The following MCU variants were observed in gnomAD, a reference collection of about 807,000 sequenced individuals.
MCU encodes mitochondrial calcium uniporter.
Under a neutral mutation model 45.2 loss-of-function variants are expected in MCU, and 12 were observed. The observed-to-expected ratio is 0.27, with a 90% CI of 0.17 to 0.43. The LOEUF (loss-of-function observed/expected upper bound fraction) is 0.43, where lower values mean the gene tolerates loss of function less well. Among genes scored for constraint, MCU ranks in the 20% least tolerant of loss-of-function variants. The pLI, the probability that MCU is intolerant of heterozygous loss-of-function variation, is 1.00. For synonymous variants in MCU, 160 were observed against 165.1 expected (o/e 0.97, Z 0.24); for missense variants, 324 against 436.7 (o/e 0.74, Z 2.30).
At chr10:72,750,466 T>C (rs2132708751) in intron 1 of MCU, among the ~76,000 whole-genome samples, 1 of 152,362 alleles carries the variant, frequency 6.6e-6, no homozygotes, top group South Asian at 2.1e-4. Context: ...AAGAGCGTTG[T>C]TCAGTACGCT....
chr10:72,698,270 A>G (rs933106394), intron 1 of MCU, among the ~76,000 whole-genome samples: 1 of 152,220 alleles, frequency 6.6e-6, no homozygotes, highest in African/African-American at 2.4e-5. Context: ...AAGGCAATAC[A>G]TTGGTAGGAA....
Position 72,785,968 on chromosome 10 carries a change from G to C in MCU, c.151-48391G>C, listed in dbSNP as rs1318624709. Among the ~76,000 whole-genome samples, 4 of 152,262 alleles carry C rather than the reference G, an allele frequency of 2.6e-5. No individual in the cohort carries two copies. In the South Asian group the frequency reaches 8.3e-4, roughly 32 times the overall value. On this transcript the variant is annotated intron_variant, in intron 1 of 7. Transcript: ENST00000373053. ...AAGAATAACATATCCTTGCCTACAA[G>C]GTGTTGCTTACCAATTTGAGGAGAT... is the stretch of plus-strand genomic sequence containing the variant.
At chr10:72,829,606 T>A (rs1844849954) in intron 1 of MCU, among the ~76,000 whole-genome samples, 1 of 112,394 alleles carries the variant, frequency 8.9e-6, no homozygotes, top group Non-Finnish European at 2.4e-5. Flanking sequence ...CCAAGGAAAG[T>A]AAAGGGTAAA....
Position 72,765,862 on chromosome 10 carries a change from ATTTTCT to A in MCU, c.151-68486_151-68481del, listed in dbSNP as rs546481066. Reference sequence around the variant, plus strand: ...TCAGATGACTATTTTCTTTTATTTTATTTTCTTTTTCTTTTTTTTGAGTCAGAATCT... The same window carrying A: ...TCAGATGACTATTTTCTTTTATTTTATTTTCTTTTTTTTGAGTCAGAATCT... On this transcript the variant is annotated intron_variant, in intron 1 of 7. Coordinates refer to ENST00000373053, the MANE Select transcript of MCU (RefSeq NM_138357.3). 1.2e-3 allele frequency among the ~76,000 whole-genome samples: 173 copies of A among 147,904 alleles called. 1 individual carries two copies. The highest frequency in any genetic ancestry group is 4.1e-3 in the African/African-American group (165 of 40,542).
intron 1 of MCU, among the ~76,000 whole-genome samples, chr10:72,696,187 T>G (rs1271912332): frequency 3.5e-5 from 5 of 141,178 alleles, no homozygotes; most frequent in Non-Finnish European, 4.7e-5. Flanking sequence ...AAAAAAAAAT[T>G]TTTTTTTTTT....
chr10:72,850,612 G>T (rs200013657), intron 2 of MCU, among the ~76,000 whole-genome samples: 8 of 152,070 alleles, frequency 5.3e-5, no homozygotes, highest in East Asian at 3.9e-4. Flanking sequence ...TGCCTCAAAG[G>T]CATTTTTAAA....
chr10:72,714,243 G>A (rs564071066), intron 1 of MCU, among the ~76,000 whole-genome samples: 1 of 151,378 alleles, frequency 6.6e-6, no homozygotes, highest in South Asian at 2.1e-4. Context: ...GGGATTACAG[G>A]CATGAGCTAC....
rs202242355 is a variant in MCU, at chr10:72,868,770, C to T, written c.564C>T (p.Thr188=). 372 of 1,614,070 alleles carry T rather than the reference C, an allele frequency of 2.3e-4. 2 individuals carry two copies. In the East Asian group the frequency reaches 7.8e-3, roughly 34 times the overall value. Residue 188 remains threonine (T), a synonymous_variant, in exon 5 of 8, where the codon ACC becomes ACT. Coordinates refer to ENST00000373053, the MANE Select transcript of MCU (RefSeq NM_138357.3). The part of the protein sequence containing the change: ...DVKTLVQQLY[T]TLCIEQHQLN... ...AGACATTGGTCCAGCAACTATACAC[C>T]ACACTGTGCATTGAGCAGCACCAGT...
At chr10:72,695,712 CTT>C (rs201032987) in intron 1 of MCU, among the ~76,000 whole-genome samples, 82 of 138,328 alleles carry the variant, frequency 5.9e-4, no homozygotes, top group Non-Finnish European at 4.4e-4. Context: ...AATTCCTTTA[CTT>C]TTTTTTTTTT....
chr10:72,743,049 A>G (rs1368730777), intron 1 of MCU, among the ~76,000 whole-genome samples: 3 of 151,686 alleles, frequency 2.0e-5, no homozygotes, highest in Admixed American at 6.6e-5. Context: ...AGAGAGAGAG[A>G]GGAAGAGACT....
At chr10:72,804,956 A>G (rs1232579125) in intron 1 of MCU, among the ~76,000 whole-genome samples, 1 of 152,008 alleles carries the variant, frequency 6.6e-6, no homozygotes, top group Non-Finnish European at 1.5e-5. Flanking sequence ...TTTTTTGTAG[A>G]GATGAGGATT....
intron 1 of MCU, among the ~76,000 whole-genome samples, chr10:72,821,216 G>GCT (rs1161487242): frequency 6.8e-6 from 1 of 147,880 alleles, no homozygotes. Context: ...AAATAGGTTT[G>GCT]TAAGACTTTT....
At chr10:72,854,936 T>C in intron 2 of MCU, among the ~76,000 whole-genome samples, 1 of 151,938 alleles carries the variant, frequency 6.6e-6, no homozygotes, top group South Asian at 2.1e-4. Context: ...TGCTCTAGAG[T>C]AATGCTTAAA....
chr10:72,735,101 G>A (rs1843235293), intron 1 of MCU, among the ~76,000 whole-genome samples: 1 of 101,926 alleles, frequency 9.8e-6, no homozygotes. Flanking sequence ...CGTCTGTGTT[G>A]TATCATGTAT....
intron 1 of MCU, among the ~76,000 whole-genome samples, chr10:72,761,167 A>G (rs1439732635): frequency 6.6e-6 from 1 of 152,228 alleles, no homozygotes; most frequent in Non-Finnish European, 1.5e-5. Context: ...TAATTAGTGA[A>G]GTGTGAAGAT....
chr10:72,852,751 A>G lies in MCU; in HGVS notation c.221-6426A>G, dbSNP rs779909575. On this transcript the variant is annotated intron_variant, in intron 2 of 7. Coordinates refer to ENST00000373053, the MANE Select transcript of MCU (RefSeq NM_138357.3). ...ACAGAGGTTTACAGAGGAAGGAGCT[A>G]TGAAGAGAAAGAGGAGTCTCGGAAA... Among the ~76,000 whole-genome samples, 21 of 152,258 alleles carry G rather than the reference A, an allele frequency of 1.4e-4. 1 individual carries two copies. Among genetic ancestry groups the G allele is most frequent in the Non-Finnish European group, 1.8e-4 (12 of 68,044 alleles).
In MCU at chr10:72,852,815, A is replaced by C. The variant is rs1003104461; in HGVS notation, c.221-6362A>C. ...CCTGTGAGGCTTTGGCTGAATTCTA[A>C]ACCACAAGACCAGGCTAGAACAACT... On this transcript the variant is annotated intron_variant, in intron 2 of 7. Coordinates refer to ENST00000373053, the MANE Select transcript of MCU (RefSeq NM_138357.3). Among the ~76,000 whole-genome samples the C allele has an allele frequency of 5.3e-5, 8 of 152,362 alleles. No individual in the cohort carries two copies. The East Asian group carries it at 1.5e-3, about 29-fold the overall frequency.
chr10:72,872,905 A>G (rs1845564804), intron 6 of MCU, among the ~76,000 whole-genome samples: 1 of 151,524 alleles, frequency 6.6e-6, no homozygotes, highest in Non-Finnish European at 1.5e-5. Context: ...CATCCTCACC[A>G]GCATTTGATA....
At chr10:72,809,406 G>A (rs555067971) in intron 1 of MCU, among the ~76,000 whole-genome samples, 75 of 152,070 alleles carry the variant, frequency 4.9e-4, no homozygotes, top group Non-Finnish European at 9.1e-4. Context: ...ACAAAAAGAA[G>A]CAAAAAGGGT....
Sources: allele counts gnomAD v4.1 joint callset (sites outside exome capture counted in the v4.1 genomes callset), GRCh38; gene constraint gnomAD v4.1.1; transcripts MANE v1.5; gene names NCBI Gene and HGNC (gene_info 2026-07-23, HGNC 2026-07-21).